The following RPTOR variants were observed in gnomAD, a reference collection of about 807,000 sequenced individuals.
The protein encoded by RPTOR is regulatory associated protein of MTOR complex 1.
Under a neutral mutation model 169.9 loss-of-function variants are expected in RPTOR, and 21 were observed. The ratio of observed to expected loss-of-function variants is 0.12; its 90% CI spans 0.09 to 0.18. The LOEUF (loss-of-function observed/expected upper bound fraction) is 0.18, where lower values mean the gene tolerates loss of function less well. Ranked by LOEUF, RPTOR falls within the 10% of genes least tolerant of loss-of-function variation. The pLI is 1.00. For synonymous variants in RPTOR, 732 were observed against 753.2 expected (o/e 0.97, Z 0.46); for missense variants, 1,133 against 1,855.9 (o/e 0.61, Z 7.16).
At chr17:80,627,530 A>G (rs1599613533) in intron 2 of RPTOR, among the ~76,000 whole-genome samples, 1 of 152,198 alleles carries the variant, frequency 6.6e-6, no homozygotes, top group South Asian at 2.1e-4. Flanking sequence ...TTCCTTTTAC[A>G]GAATGTCATT....
intron 14 of RPTOR, among the ~76,000 whole-genome samples, chr17:80,880,724 C>T (rs563748954): frequency 1.1e-4 from 17 of 152,336 alleles, no homozygotes; most frequent in Admixed American, 8.5e-4. Flanking sequence ...TCAGTTAACC[C>T]GGACACATGG....
intron 7 of RPTOR, among the ~76,000 whole-genome samples, chr17:80,809,121 C>T (rs1472119010): frequency 6.6e-6 from 1 of 152,234 alleles, no homozygotes; most frequent in Non-Finnish European, 1.5e-5. Flanking sequence ...ACCTGAGTTC[C>T]TGCCAGTAAC....
intron 3 of RPTOR, among the ~76,000 whole-genome samples, chr17:80,673,284 C>T (rs1283222933): frequency 6.6e-6 from 1 of 152,086 alleles, no homozygotes; most frequent in Non-Finnish European, 1.5e-5. Context: ...GATTAGGAAA[C>T]AAACAAGTCA....
chr17:80,611,866 A>G (rs1277690063), intron 1 of RPTOR, among the ~76,000 whole-genome samples: 2 of 152,016 alleles, frequency 1.3e-5, no homozygotes, highest in Non-Finnish European at 2.9e-5. Flanking sequence ...TTCTTGTGGA[A>G]GGGTCCTGCT....
chr17:80,897,062 C>G (rs2068415423), intron 20 of RPTOR, among the ~76,000 whole-genome samples: 1 of 151,556 alleles, frequency 6.6e-6, no homozygotes, highest in South Asian at 2.1e-4. Flanking sequence ...GTCAGGAGAT[C>G]AAGACCATCC....
chr17:80,580,126 A>G (rs1264916018), intron 1 of RPTOR, among the ~76,000 whole-genome samples: 1 of 152,158 alleles, frequency 6.6e-6, no homozygotes, highest in Non-Finnish European at 1.5e-5. Flanking sequence ...ATACATGCAT[A>G]TATTTCATTA....
At chr17:80,840,509 TCA>T (rs1158723590) in intron 10 of RPTOR, among the ~76,000 whole-genome samples, 5 of 106,914 alleles carry the variant, frequency 4.7e-5, no homozygotes, top group African/African-American at 1.3e-4. Flanking sequence ...ACACGGCAGC[TCA>T]CACCACGGCA....
At chr17:80,587,088 A>G (rs2065067178) in intron 1 of RPTOR, among the ~76,000 whole-genome samples, 2 of 152,236 alleles carry the variant, frequency 1.3e-5, no homozygotes. Context: ...TCCAGAAACA[A>G]CACGGGGCTT....
intron 13 of RPTOR, among the ~76,000 whole-genome samples, chr17:80,866,320 T>C (rs2067990215): frequency 1.3e-5 from 2 of 152,110 alleles, no homozygotes; most frequent in Non-Finnish European, 2.9e-5. Context: ...GGGGAGTGTG[T>C]AGCAGCTGCT....
chr17:80,556,465 G>A (rs1050940091), intron 1 of RPTOR, among the ~76,000 whole-genome samples: 1 of 152,124 alleles, frequency 6.6e-6, no homozygotes, highest in Non-Finnish European at 1.5e-5. Context: ...AGTAAGCTAT[G>A]ATTGTGCTGG....
intron 3 of RPTOR, among the ~76,000 whole-genome samples, chr17:80,650,554 A>G (rs2143618783): frequency 6.6e-6 from 1 of 152,334 alleles, no homozygotes; most frequent in Admixed American, 6.5e-5. Flanking sequence ...GAACTGGTTT[A>G]GTTCTGGCTT....
intron 1 of RPTOR, among the ~76,000 whole-genome samples, chr17:80,605,482 C>G (rs564736447): frequency 6.6e-6 from 1 of 152,074 alleles, no homozygotes; most frequent in African/African-American, 2.4e-5. Flanking sequence ...TTACTGTGTC[C>G]GTGATGAGTT....
chr17:80,822,689 G>A (rs1169114603), intron 8 of RPTOR, among the ~76,000 whole-genome samples: 1 of 152,182 alleles, frequency 6.6e-6, no homozygotes, highest in African/African-American at 2.4e-5. Flanking sequence ...TCACATGTAC[G>A]TATATGTGCA....
chr17:80,568,185 A>T (rs2064866529), intron 1 of RPTOR, among the ~76,000 whole-genome samples: 1 of 152,200 alleles, frequency 6.6e-6, no homozygotes, highest in Non-Finnish European at 1.5e-5. Context: ...TTAGGATTAC[A>T]GGAATGAGCC....
intron 1 of RPTOR, among the ~76,000 whole-genome samples, chr17:80,548,249 T>C (rs1428559929): frequency 1.3e-5 from 2 of 151,238 alleles, no homozygotes; most frequent in Non-Finnish European, 2.9e-5. Context: ...GTGTCTGGGG[T>C]TGGGGAGTCT....
chr17:80,742,394 A>G (rs1159504080), intron 5 of RPTOR, among the ~76,000 whole-genome samples: 1 of 152,100 alleles, frequency 6.6e-6, no homozygotes, highest in African/African-American at 2.4e-5. Flanking sequence ...TGCAGAGGCC[A>G]GGTTTGGAGG....
chr17:80,704,020 G>C (rs1330228614), intron 3 of RPTOR, among the ~76,000 whole-genome samples: 3 of 152,120 alleles, frequency 2.0e-5, no homozygotes, highest in Non-Finnish European at 2.9e-5. Flanking sequence ...TCCAGGACTT[G>C]GTGCTTTTTT....
chr17:80,603,248 A>G (rs1400931858), intron 1 of RPTOR, among the ~76,000 whole-genome samples: 3 of 152,252 alleles, frequency 2.0e-5, no homozygotes, highest in Non-Finnish European at 4.4e-5. Context: ...TGTCAAACCA[A>G]GAGAAACCTA....
chr17:80,592,165 A>G (rs1350197671), intron 1 of RPTOR, among the ~76,000 whole-genome samples: 1 of 152,170 alleles, frequency 6.6e-6, no homozygotes, highest in Non-Finnish European at 1.5e-5. Flanking sequence ...TAGTTCAGAA[A>G]TAGAAGGCTG....
Sources: allele counts gnomAD v4.1 joint callset (sites outside exome capture counted in the v4.1 genomes callset), GRCh38; gene constraint gnomAD v4.1.1; transcripts MANE v1.5; gene names NCBI Gene and HGNC (gene_info 2026-07-23, HGNC 2026-07-21).